NEO1: variants seen among roughly 807,000 people sequenced by gnomAD.
NEO1 encodes neogenin.
A neutral mutation model predicts 159.7 loss-of-function variants in NEO1; 63 were observed. That is an observed-to-expected ratio of 0.39 (90% CI 0.32 to 0.49). NEO1 has a LOEUF of 0.49. NEO1 is among the 20% of genes least tolerant of loss of function. The pLI, the probability that NEO1 is intolerant of heterozygous loss-of-function variation, is 0.85. For synonymous variants in NEO1, 633 were observed against 662.0 expected (o/e 0.96, Z 0.67); for missense variants, 1,615 against 1,831.0 (o/e 0.88, Z 2.15).
intron 7 of NEO1, among the ~76,000 whole-genome samples, chr15:73,187,327 A>G (rs1393129767): frequency 6.6e-6 from 1 of 152,066 alleles, no homozygotes; most frequent in Non-Finnish European, 1.5e-5. Context: ...CTCATTATTC[A>G]TACACCAAGT....
intron 15 of NEO1, among the ~76,000 whole-genome samples, chr15:73,263,386 G>A (rs113826883): frequency 0.28 from 42,664 of 151,662 alleles, 7,636 homozygotes; most frequent in Non-Finnish European, 0.4. Flanking sequence ...TAGAGATGGG[G>A]TTTCACCATG....
At chr15:73,205,005 C>T (rs762821479) in intron 7 of NEO1, among the ~76,000 whole-genome samples, 8 of 152,132 alleles carry the variant, frequency 5.3e-5, no homozygotes, top group Admixed American at 4.6e-4. Flanking sequence ...CTCTTGACTT[C>T]GGAACTTCCC....
At chr15:73,220,514 G>A (rs994306184) in intron 7 of NEO1, among the ~76,000 whole-genome samples, 9 of 152,294 alleles carry the variant, frequency 5.9e-5, no homozygotes, top group East Asian at 1.9e-4. Flanking sequence ...ATAATATCCT[G>A]CAGAGTGTTT....
rs141341563 is a variant in NEO1, at chr15:73,243,246, A to G, written c.1452-1098A>G. Among the ~76,000 whole-genome samples the G allele has an allele frequency of 4.5e-3, 691 of 152,328 alleles. 3 individuals are homozygous for G. Among genetic ancestry groups the G allele is most frequent in the African/African-American group, 0.015 (616 of 41,578 alleles). ...CTTAAAAGAACTATAGAAAATTACCAAAAAGCACTTCTCTGCAGTGCAAAT... is the reference window on the plus strand; with the variant it reads ...CTTAAAAGAACTATAGAAAATTACCGAAAAGCACTTCTCTGCAGTGCAAAT... On this transcript the variant is annotated intron_variant, in intron 8 of 28. Coordinates refer to ENST00000261908, the MANE Select transcript of NEO1 (RefSeq NM_002499.4).
chr15:73,133,743 T>C (rs958522149), intron 4 of NEO1, among the ~76,000 whole-genome samples: 62 of 152,172 alleles, frequency 4.1e-4, no homozygotes, highest in African/African-American at 1.4e-3. Flanking sequence ...ATTTTGGAGT[T>C]CTAAAGGCTC....
intron 1 of NEO1, among the ~76,000 whole-genome samples, chr15:73,066,803 A>G (rs551069803): frequency 1.3e-5 from 2 of 152,276 alleles, no homozygotes; most frequent in African/African-American, 4.8e-5. Flanking sequence ...GTCGAAAGCT[A>G]TGCTCATCTC....
chr15:73,120,308 C>T (rs1441471395), intron 2 of NEO1, among the ~76,000 whole-genome samples: 1 of 150,634 alleles, frequency 6.6e-6, no homozygotes, highest in African/African-American at 2.4e-5. Context: ...GATTTTTGGT[C>T]AAATCTGGGG....
chr15:73,222,108 TTTTTTTTTTTTTTTG>T, intron 7 of NEO1: 2 of 134,742 alleles, frequency 1.5e-5, no homozygotes, highest in Non-Finnish European at 1.5e-5. Flanking sequence ...TTTTTTTTTT[TTTTTTTTTTTTTTTG>T]AGACAGAGTC....
At chr15:73,084,720 T>C (rs1241786802) in intron 1 of NEO1, among the ~76,000 whole-genome samples, 1 of 152,186 alleles carries the variant, frequency 6.6e-6, no homozygotes, top group Non-Finnish European at 1.5e-5. Flanking sequence ...TGAGGAACTT[T>C]CATATTGTTT....
chr15:73,208,074 AAATAAAAT>A lies in NEO1; in HGVS notation c.1292-28272_1292-28265del, dbSNP rs2037338034. ...ATTTTGATTTTTCCTTCTGGAAGTT[AAATAAAAT>A]GGATTACAATATGGAAGGTGATTCC... On this transcript the variant is annotated intron_variant, in intron 7 of 28. Transcript: ENST00000261908. 2.0e-5 allele frequency among the ~76,000 whole-genome samples: 3 copies of A among 152,392 alleles called. No homozygotes were observed. The South Asian group carries it at 6.2e-4, about 32-fold the overall frequency.
chr15:73,164,644 C>T (rs1451053468), intron 5 of NEO1, among the ~76,000 whole-genome samples: 1 of 152,174 alleles, frequency 6.6e-6, no homozygotes, highest in African/African-American at 2.4e-5. Context: ...ATGTAAAATA[C>T]AAAAACACCT....
chr15:73,126,584 G>C lies in NEO1; in HGVS notation c.878+14G>C. Reference sequence around the variant, plus strand: ...TGACACAGAAAGGTAAGTGTTGTCTGCCTAAAAGCCTTCTTCAGCCTTAGC... The same window carrying C: ...TGACACAGAAAGGTAAGTGTTGTCTCCCTAAAAGCCTTCTTCAGCCTTAGC... On this transcript the variant is annotated intron_variant, in intron 4 of 28. Transcript: ENST00000261908. The C allele has an allele frequency of 6.2e-7, 1 of 1,606,444 alleles. No individual in the cohort carries two copies. The highest frequency in any genetic ancestry group is 1.7e-5 in the Admixed American group (1 of 58,478).
At chr15:73,262,947 A>C (rs1232720955) in intron 15 of NEO1, among the ~76,000 whole-genome samples, 1 of 152,166 alleles carries the variant, frequency 6.6e-6, no homozygotes, top group African/African-American at 2.4e-5. Context: ...AAACACTGTT[A>C]TATTTTGTGA....
intron 22 of NEO1, among the ~76,000 whole-genome samples, chr15:73,279,350 G>GTTTTTTTTTTTT (rs1567679061): frequency 4.6e-4 from 27 of 58,174 alleles, no homozygotes; most frequent in African/African-American, 9.4e-4. Flanking sequence ...TTTTGGTTTT[G>GTTTTTTTTTTTT]GTTTTTTTTT....
intron 1 of NEO1, among the ~76,000 whole-genome samples, chr15:73,099,986 A>G (rs2070307870): frequency 1.3e-5 from 2 of 152,146 alleles, no homozygotes; most frequent in Admixed American, 6.5e-5. Flanking sequence ...ACTTTCATTT[A>G]TTGAAAACTT....
chr15:73,107,503 G>A (rs1185633421), intron 1 of NEO1, among the ~76,000 whole-genome samples: 1 of 152,116 alleles, frequency 6.6e-6, no homozygotes, highest in African/African-American at 2.4e-5. Flanking sequence ...ATAACATTTG[G>A]TACCTAGAAT....
At chr15:73,253,736 T>TTAA (rs1444744672) in intron 12 of NEO1, among the ~76,000 whole-genome samples, 1 of 152,234 alleles carries the variant, frequency 6.6e-6, no homozygotes, top group African/African-American at 2.4e-5. Context: ...CAAAACTGCT[T>TTAA]TAACATTTCT....
At chr15:73,239,186 G>A (rs1314477754) in intron 8 of NEO1, among the ~76,000 whole-genome samples, 1 of 152,152 alleles carries the variant, frequency 6.6e-6, no homozygotes, top group Admixed American at 6.5e-5. Flanking sequence ...AAAATTTTAA[G>A]TTGATAATAT....
At chr15:73,269,768 G>T (rs1367876310) in intron 16 of NEO1, among the ~76,000 whole-genome samples, 1 of 152,134 alleles carries the variant, frequency 6.6e-6, no homozygotes, top group Non-Finnish European at 1.5e-5. Context: ...TATGCCTATA[G>T]AATGCAGTAG....
Sources: allele counts gnomAD v4.1 joint callset (sites outside exome capture counted in the v4.1 genomes callset), GRCh38; gene constraint gnomAD v4.1.1; transcripts MANE v1.5; gene names NCBI Gene and HGNC (gene_info 2026-07-23, HGNC 2026-07-21).